The following APPBP2 variants were observed in gnomAD, a reference collection of about 807,000 sequenced individuals.
APPBP2 encodes amyloid beta precursor protein binding protein 2.
APPBP2 carries 15 observed loss-of-function variants against 76.0 expected under a neutral mutation model. The observed-to-expected ratio is 0.20, with a 90% CI of 0.13 to 0.30. APPBP2 has a LOEUF of 0.30. APPBP2 is among the 10% of genes least tolerant of loss of function. APPBP2 has a pLI of 1.00. For missense variants in APPBP2, 401 were observed against 687.2 expected (o/e 0.58, Z 4.66); for synonymous variants, 222 against 242.2 (o/e 0.92, Z 0.77).
chr17:60,462,079 A>G lies in APPBP2; in HGVS notation c.763-18T>C, dbSNP rs16944416. 24,942 of 1,593,498 alleles carry G rather than the reference A, an allele frequency of 0.016. 3,219 individuals are homozygous for G. The African/African-American group carries it at 0.29, about 18-fold the overall frequency. On this transcript the variant is annotated intron_variant, in intron 6 of 12. Transcript: ENST00000083182. The stretch of plus-strand genomic sequence containing the variant: ...ACACAAGCCTAAAGATAAAGTGAAA[A>G]ATGGTTAACTCTCAAACAGTTCATT...
chr17:60,460,513 G>C, intron 9 of APPBP2, 150 bp downstream of exon 9: 1 of 746,202 alleles, frequency 1.3e-6, no homozygotes, highest in Non-Finnish European at 1.9e-6. Flanking sequence ...GAACATTTTA[G>C]GCATTCTGAT....
chr17:60,473,069 T>C (rs538873502), intron 4 of APPBP2, among the ~76,000 whole-genome samples: 1 of 152,342 alleles, frequency 6.6e-6, no homozygotes, highest in South Asian at 2.1e-4. Context: ...GGTAGGAGAA[T>C]TGAGCCCATT....
At chr17:60,494,235 T>A (rs1360804171) in intron 3 of APPBP2, among the ~76,000 whole-genome samples, 1 of 152,236 alleles carries the variant, frequency 6.6e-6, no homozygotes, top group East Asian at 1.9e-4. Flanking sequence ...GTCTGTTTCC[T>A]CATTTGTAAA....
chr17:60,475,643 C>T (rs1164976858), intron 4 of APPBP2, among the ~76,000 whole-genome samples: 1 of 116,466 alleles, frequency 8.6e-6, no homozygotes, highest in Non-Finnish European at 1.7e-5. Context: ...ACATTCAACT[C>T]TTTATACACA....
At chr17:60,453,006 A>G (rs1176184955) in intron 11 of APPBP2, among the ~76,000 whole-genome samples, 1 of 152,216 alleles carries the variant, frequency 6.6e-6, no homozygotes, top group Non-Finnish European at 1.5e-5. Context: ...AACTGATAAT[A>G]CTTGTTGCAA....
chr17:60,519,863 A>C (rs1471160510), intron 1 of APPBP2, among the ~76,000 whole-genome samples: 4 of 147,356 alleles, frequency 2.7e-5, no homozygotes, highest in Non-Finnish European at 4.5e-5. Context: ...AGCTCACTGC[A>C]ACCTCAGCCT....
chr17:60,457,145 AT>A (rs2143303524), intron 9 of APPBP2, among the ~76,000 whole-genome samples: 1 of 148,320 alleles, frequency 6.7e-6, no homozygotes, highest in African/African-American at 2.6e-5. Flanking sequence ...AAAAAAAAAA[AT>A]TACCATCACT....
intron 1 of APPBP2, among the ~76,000 whole-genome samples, chr17:60,509,378 CAA>C (rs751824797): frequency 2.0e-5 from 2 of 99,206 alleles, no homozygotes; most frequent in Non-Finnish European, 4.2e-5. Context: ...GACTCCGTCT[CAA>C]AAAAAAAAAA....
At chr17:60,520,789 T>C (rs1302051539) in intron 1 of APPBP2, among the ~76,000 whole-genome samples, 3 of 152,098 alleles carry the variant, frequency 2.0e-5, no homozygotes, top group African/African-American at 4.8e-5. Flanking sequence ...CTTGAACTCC[T>C]GGACTCAAGA....
intron 3 of APPBP2, among the ~76,000 whole-genome samples, 162 bp downstream of exon 3, chr17:60,494,304 A>G (rs1412426839): frequency 1.3e-5 from 2 of 152,216 alleles, no homozygotes; most frequent in African/African-American, 4.8e-5. Flanking sequence ...GATACTATTT[A>G]AATGTATAGT....
intron 1 of APPBP2, among the ~76,000 whole-genome samples, chr17:60,504,645 T>TA (rs1598370213): frequency 6.6e-6 from 1 of 152,160 alleles, no homozygotes; most frequent in African/African-American, 2.4e-5. Context: ...AAACCCTGAC[T>TA]ATACCAAAAA....
Position 60,460,650 on chromosome 17 carries a change from A to G in APPBP2, c.1061+13T>C. ...GTATTTCCTCCTTCAGAGAAAAGGAATGTGGAACTTACAGTGCATTGTCAA... is the reference window on the plus strand; with the variant it reads ...GTATTTCCTCCTTCAGAGAAAAGGAGTGTGGAACTTACAGTGCATTGTCAA... On this transcript the variant is annotated intron_variant, in intron 9 of 12. Transcript: ENST00000083182. The G allele has an allele frequency of 6.2e-7, 1 of 1,604,580 alleles. No individual in the cohort carries two copies. Among genetic ancestry groups the G allele is most frequent in the East Asian group, 2.2e-5 (1 of 44,748 alleles).
chr17:60,493,327 AAAC>A (rs1206363669), intron 3 of APPBP2, among the ~76,000 whole-genome samples: 1 of 152,180 alleles, frequency 6.6e-6, no homozygotes, highest in Non-Finnish European at 1.5e-5. Context: ...TAAAATAATA[AAAC>A]AAAATAAACA....
At chr17:60,478,753 C>T (rs1171217685) in intron 4 of APPBP2, among the ~76,000 whole-genome samples, 1 of 152,146 alleles carries the variant, frequency 6.6e-6, no homozygotes, top group Non-Finnish European at 1.5e-5. Flanking sequence ...AAAACCCCAT[C>T]TCTACTAAAA....
intron 4 of APPBP2, among the ~76,000 whole-genome samples, chr17:60,477,219 G>A (rs2090597045): frequency 6.6e-6 from 1 of 152,178 alleles, no homozygotes; most frequent in Non-Finnish European, 1.5e-5. Context: ...GACTTGTCTT[G>A]TGAGAAAACT....
At chr17:60,481,951 C>T (rs964520413) in intron 3 of APPBP2, among the ~76,000 whole-genome samples, 2 of 152,172 alleles carry the variant, frequency 1.3e-5, no homozygotes, top group African/African-American at 2.4e-5. Context: ...AGCGTGATCT[C>T]GGCTCACCGC....
At chr17:60,514,014 A>C (rs982140407) in intron 1 of APPBP2, among the ~76,000 whole-genome samples, 11 of 145,438 alleles carry the variant, frequency 7.6e-5, no homozygotes, top group Non-Finnish European at 1.1e-4. Flanking sequence ...AAAAAAAAAA[A>C]AAAAACACAG....
intron 3 of APPBP2, among the ~76,000 whole-genome samples, chr17:60,485,282 A>G (rs529228289): frequency 6.6e-6 from 1 of 152,224 alleles, no homozygotes; most frequent in East Asian, 1.9e-4. Context: ...GAATGGTACC[A>G]GCTCCTCTTT....
chr17:60,518,228 G>A (rs977183712), intron 1 of APPBP2, among the ~76,000 whole-genome samples: 4 of 151,882 alleles, frequency 2.6e-5, no homozygotes, highest in Non-Finnish European at 5.9e-5. Context: ...ATTGTTTTTG[G>A]TTGAGACACC....
Sources: allele counts gnomAD v4.1 joint callset (sites outside exome capture counted in the v4.1 genomes callset), GRCh38; gene constraint gnomAD v4.1.1; transcripts MANE v1.5; gene names NCBI Gene and HGNC (gene_info 2026-07-23, HGNC 2026-07-21).